Variants in EEF1D observed in about 807,000 individuals in gnomAD.
EEF1D encodes the protein elongation factor 1-delta.
In EEF1D, 47 loss-of-function variants were observed where a neutral mutation model predicts 63.9. That is an observed-to-expected ratio of 0.74 (90% confidence interval 0.58 to 0.94). The LOEUF (loss-of-function observed/expected upper bound fraction) is 0.94. Among genes scored for constraint, EEF1D ranks in the 40% least tolerant of loss-of-function variants. The pLI, the probability that EEF1D is intolerant of heterozygous loss-of-function variation, is 0.00. For synonymous variants in EEF1D, 412 were observed against 386.1 expected (o/e 1.07, Z -0.79); for missense variants, 907 against 899.0 (o/e 1.01, Z -0.11).
chr8:143,589,210 A>G lies in EEF1D; in HGVS notation c.872T>C (p.Leu291Pro), dbSNP rs1024298347. The G allele has an allele frequency of 1.4e-5, 22 of 1,585,396 alleles. No homozygotes were observed. Among genetic ancestry groups the G allele is most frequent in the Admixed American group, 1.8e-5 (1 of 56,954 alleles). Reference sequence around the variant, plus strand: ...GGGGGCCTCCCCATCGGCCCGTCGCAGCCCGGCCCGCTTGTTCCCTAAGAT... The same window carrying G: ...GGGGGCCTCCCCATCGGCCCGTCGCGGCCCGGCCCGCTTGTTCCCTAAGAT... The part of the protein sequence containing the change: ...RNILGNKRAG[L>P]RRADGEAPSA... Residue 291 changes from leucine to proline, a missense_variant, in exon 3 of 10, where the codon CTG (leucine) becomes CCG (proline). Transcript: ENST00000618139.
rs143856298 is a variant in EEF1D at position 143,589,535 on chromosome 8, C to A, written c.547G>T (p.Ala183Ser). The A allele has an allele frequency of 2.2e-5, 33 of 1,514,472 alleles. No homozygotes were observed. Among genetic ancestry groups the A allele is most frequent in the Non-Finnish European group, 3.5e-6 (4 of 1,130,780 alleles). 93.8% of individuals were successfully genotyped at this position (1,514,472 alleles called of 1,614,324 possible). ...AERAFVEWSQ[A>S]LLLAPDGSRR... ...CTGCCGTCGGGGGCCAGCAACAGGG[C>A]CTGAGACCACTCCACGAAGGCCCGC... is the stretch of plus-strand genomic sequence containing the variant. Residue 183 changes from alanine to serine, a missense_variant, in exon 3 of 10, where the codon GCC (alanine) becomes TCC (serine). Transcript: ENST00000618139.
chr8:143,585,316 G>A (rs562668524), intron 5 of EEF1D, among the ~76,000 whole-genome samples: 13 of 152,304 alleles, frequency 8.5e-5, no homozygotes, highest in South Asian at 2.1e-4. Context: ...GTGGAGGCGG[G>A]GCGGGGATGA....
At chr8:143,592,765 G>A (rs1455218393) in intron 1 of EEF1D, 105 bp from the exon 2 acceptor site, 1 of 937,450 alleles carries the variant, frequency 1.1e-6, no homozygotes, top group African/African-American at 1.8e-5. Context: ...GGCCTTTCCA[G>A]AAGCTGCTTG....
chr8:143,588,925 A>G (rs1827252426), intron 3 of EEF1D, 66 bp downstream of exon 3: 1 of 1,520,444 alleles, frequency 6.6e-7, no homozygotes, highest in Admixed American at 2.0e-5. Context: ...GAGGAGCCCC[A>G]GCCTGGGATG....
chr8:143,581,257 C>G lies in EEF1D; in HGVS notation c.1359G>C (p.Leu453=), dbSNP rs1484159575. The change falls in exon 6 of 10, where the codon CTG becomes CTC. Residue 453 remains leucine (L), a synonymous_variant. Transcript: ENST00000618139. ...CACGCAGACTCTGGTTCTCCACTTCCAGACTGGCAATCCGGACGACGAGCT... is the reference window on the plus strand; with the variant it reads ...CACGCAGACTCTGGTTCTCCACTTCGAGACTGGCAATCCGGACGACGAGCT... The part of the protein sequence containing the change: ...HGELVVRIAS[L]EVENQSLRGV... The G allele has an allele frequency of 6.2e-7, 1 of 1,612,760 alleles. No individual in the cohort carries two copies. The highest frequency in any genetic ancestry group is 8.5e-7 in the Non-Finnish European group (1 of 1,180,004).
At chr8:143,580,950 G>A (rs1057088782) in intron 7 of EEF1D, 104 bp downstream of exon 7, 3 of 1,342,828 alleles carry the variant, frequency 2.2e-6, no homozygotes, top group Non-Finnish European at 1.0e-6. Flanking sequence ...CCAGTATCCT[G>A]GCTGCCAGCT....
chr8:143,579,823 C>A lies in EEF1D; in HGVS notation c.1913G>T (p.Ser638Ile). 1 of 1,566,746 alleles carries A rather than the reference C, an allele frequency of 6.4e-7. No individual in the cohort carries two copies. ...CTTGTTGAAAGCTGCGATATCGACA[C>A]TCTGCACCTGAGGAGAGGCGGAGGG... ...EITKFEEHVQ[S>I]VDIAAFNKI The change falls in exon 10 of 10, where the codon AGT becomes ATT. Residue 638 changes from serine (S) to isoleucine (I), a missense_variant. Coordinates refer to ENST00000618139, the MANE Select transcript of EEF1D (RefSeq NM_001130053.5).
chr8:143,584,730 G>A (rs1048884615), intron 5 of EEF1D, among the ~76,000 whole-genome samples: 3 of 147,510 alleles, frequency 2.0e-5, no homozygotes, highest in Admixed American at 6.8e-5. Flanking sequence ...CGAACATGCT[G>A]TTGGTAGGAA....
chr8:143,584,702 G>C (rs1039689206), intron 5 of EEF1D, among the ~76,000 whole-genome samples: 1 of 49,348 alleles, frequency 2.0e-5, no homozygotes, highest in African/African-American at 4.1e-5. Context: ...TCATCTTCTA[G>C]AACAACCTAA....
At chr8:143,593,905 C>CA (rs1828383776) in intron 1 of EEF1D, 15 of 985,470 alleles carry the variant, frequency 1.5e-5, no homozygotes, top group Non-Finnish European at 1.6e-5. Context: ...TCTCTCCTAA[C>CA]AGAGACCAAG....
chr8:143,580,820 G>T, intron 7 of EEF1D, 93 bp from the exon 8 acceptor site: 1 of 1,443,756 alleles, frequency 6.9e-7, no homozygotes, highest in South Asian at 1.2e-5. Context: ...TCCCTCCTTT[G>T]ACTGGAGGAA....
At position 143,581,343 on chromosome 8, in the gene EEF1D, G is replaced by T; in HGVS notation, c.1288-15C>A. 1 of 1,607,054 alleles carries T rather than the reference G, an allele frequency of 6.2e-7. No individual in the cohort carries two copies. The highest frequency in any genetic ancestry group is 8.5e-7 in the Non-Finnish European group (1 of 1,177,982). The stretch of plus-strand genomic sequence containing the variant: ...GGGCCTGAGCTCTGCAAGGCAGGAG[G>T]AGGGGAGGGCTCAGTGCCCAGCCTG... On this transcript the variant is annotated splice_polypyrimidine_tract_variant and intron_variant, in intron 5 of 9. Coordinates refer to ENST00000618139, the MANE Select transcript of EEF1D (RefSeq NM_001130053.5).
intron 5 of EEF1D, chr8:143,581,604 C>T (rs1023575527): frequency 1.7e-5 from 9 of 528,152 alleles, no homozygotes; most frequent in East Asian, 3.2e-5. Context: ...TGCTGCCCGG[C>T]GGAATCCTGC....
chr8:143,592,738 AG>A, intron 1 of EEF1D, 78 bp from the exon 2 acceptor site: 1 of 984,222 alleles, frequency 1.0e-6, no homozygotes, highest in Non-Finnish European at 1.2e-6. Flanking sequence ...GCAGCAGGTC[AG>A]CCCGGGGCGG....
chr8:143,585,182 G>A (rs569514901), intron 5 of EEF1D, among the ~76,000 whole-genome samples: 1 of 152,290 alleles, frequency 6.6e-6, no homozygotes, highest in African/African-American at 2.4e-5. Flanking sequence ...TGGCAAACAC[G>A]ATTAAATTCA....
rs1358154695 is a variant in EEF1D at position 143,586,843 on chromosome 8, C to T, written c.1101G>A (p.Met367Ile). 6.2e-7 allele frequency: 1 copy of T among 1,613,702 alleles called. No homozygotes were observed. The highest frequency in any genetic ancestry group is 1.3e-5 in the African/African-American group (1 of 74,938). Residue 367 changes from methionine (M) to isoleucine (I), a missense_variant, in exon 4 of 10, where the codon ATG becomes ATA. Met to Ile is a conservative substitution (Grantham distance 10, BLOSUM62 1). Transcript: ENST00000618139. ...SVSSLRPNRK[M>I]ATNFLAHEKI... ...TCTCATGTGCTAGGAAGTTTGTAGC[C>T]ATTTTTCTGCTGGGAGGGGAAAGAG...
chr8:143,580,853 C>T, intron 7 of EEF1D, 126 bp from the exon 8 acceptor site: 5 of 1,228,942 alleles, frequency 4.1e-6, no homozygotes, highest in Non-Finnish European at 5.8e-6. Flanking sequence ...TGTACCGCAG[C>T]TGTGTACATG....
At chr8:143,596,454 G>T (rs1328620039) in intron 1 of EEF1D, 1 of 152,354 alleles carries the variant, frequency 6.6e-6, no homozygotes, top group African/African-American at 2.4e-5. Context: ...GGCTCCGGAA[G>T]TAACCAACTG....
chr8:143,588,266 G>A (rs1355652993), intron 3 of EEF1D, among the ~76,000 whole-genome samples: 3 of 152,098 alleles, frequency 2.0e-5, no homozygotes, highest in East Asian at 1.9e-4. Context: ...GACTCAGCCC[G>A]CCCCACCACC....
Sources: gnomAD v4.1 joint callset for allele counts (sites outside exome capture counted in the v4.1 genomes callset) on GRCh38, gnomAD v4.1.1 for gene constraint, MANE v1.5 for transcripts, NCBI Gene and HGNC (gene_info 2026-07-23, HGNC 2026-07-21) for gene names.